HAAO: variants seen among roughly 807,000 people sequenced by gnomAD.
HAAO encodes 3-hydroxyanthranilate 3,4-dioxygenase.
In HAAO, 49 loss-of-function variants were observed where a neutral mutation model predicts 46.2. The ratio of observed to expected loss-of-function variants is 1.06; its 90% CI spans 0.84 to 1.34. HAAO has a LOEUF of 1.34. Ranked by LOEUF, HAAO falls within the 40% of genes most tolerant of loss-of-function variation. HAAO has a pLI of 0.00. For missense variants in HAAO, 408 were observed against 364.5 expected (o/e 1.12, Z -0.97); for synonymous variants, 157 against 145.2 (o/e 1.08, Z -0.58).
intron 6 of HAAO, 45 bp downstream of exon 6, chr2:42,770,098 G>A (rs1246819506): frequency 6.4e-7 from 1 of 1,567,014 alleles, no homozygotes; most frequent in Admixed American, 1.7e-5. Flanking sequence ...TCCTATTTTG[G>A]AAGGGGAGGG....
chr2:42,787,255 G>A (rs1417831645), intron 2 of HAAO, among the ~76,000 whole-genome samples: 1 of 152,140 alleles, frequency 6.6e-6, no homozygotes, highest in Non-Finnish European at 1.5e-5. Flanking sequence ...CATGGGATGG[G>A]GCATGGAGCA....
intron 7 of HAAO, 109 bp downstream of exon 7, chr2:42,769,604 T>TGA: frequency 2.8e-6 from 2 of 726,374 alleles, no homozygotes; most frequent in African/African-American, 2.7e-5. Flanking sequence ...TGTGTGTGTG[T>TGA]GAGTGTGTGT....
intron 1 of HAAO, 125 bp downstream of exon 1, chr2:42,792,332 A>T (rs2104676171): frequency 1.9e-6 from 1 of 532,392 alleles, no homozygotes; most frequent in East Asian, 3.3e-5. Flanking sequence ...CCCAAGAACC[A>T]AGAGATTAAA....
intron 2 of HAAO, among the ~76,000 whole-genome samples, chr2:42,787,574 C>A (rs578021445): frequency 6.6e-6 from 1 of 152,284 alleles, no homozygotes; most frequent in Admixed American, 6.5e-5. Flanking sequence ...CAGGGCCCAT[C>A]GTTCCTCCAC....
intron 4 of HAAO, among the ~76,000 whole-genome samples, chr2:42,780,908 A>C (rs1295234937): frequency 1.1e-5 from 1 of 90,172 alleles, no homozygotes; most frequent in African/African-American, 4.5e-5. Context: ...TCTACTAAAA[A>C]TACAAAAAAA....
chr2:42,783,690 G>A, intron 3 of HAAO, 94 bp downstream of exon 3: 1 of 1,087,890 alleles, frequency 9.2e-7, no homozygotes. Flanking sequence ...AGGTAGGGAG[G>A]ACAAGACCTC....
chr2:42,783,676 GA>G, intron 3 of HAAO, 107 bp downstream of exon 3: 3 of 960,368 alleles, frequency 3.1e-6, no homozygotes, highest in South Asian at 1.5e-5. Flanking sequence ...GGGAGAGCAG[GA>G]AAAGGTAGGG....
intron 4 of HAAO, among the ~76,000 whole-genome samples, chr2:42,773,375 G>C (rs1318716017): frequency 6.6e-6 from 1 of 152,160 alleles, no homozygotes; most frequent in Non-Finnish European, 1.5e-5. Flanking sequence ...AGCCGAGGGA[G>C]GCACTGGCCG....
intron 4 of HAAO, among the ~76,000 whole-genome samples, chr2:42,776,170 T>G (rs1671559608): frequency 6.6e-6 from 1 of 151,644 alleles, no homozygotes; most frequent in South Asian, 2.1e-4. Flanking sequence ...TAAATAAAAT[T>G]GGTATCCTTA....
intron 7 of HAAO, 134 bp downstream of exon 7, chr2:42,769,569 ATGTGTGTGTG>A (rs35746707): frequency 0.27 from 153,784 of 576,676 alleles, 10,248 homozygotes; most frequent in East Asian, 0.47. Context: ...AACCTCTGAA[ATGTGTGTGTG>A]TGTGTGTGTG....
At chr2:42,780,286 CA>C (rs1671890918) in intron 4 of HAAO, among the ~76,000 whole-genome samples, 1 of 150,328 alleles carries the variant, frequency 6.7e-6, no homozygotes, top group African/African-American at 2.5e-5. Flanking sequence ...CGGCTCACTG[CA>C]ACCTCCGCCT....
rs148315223 is a variant in HAAO at position 42,784,068 on chromosome 2, C to T, written c.160-201G>A. ...GTGCCGGGGACACATGGGATCATGT[C>T]TTGGACATGCAAGTGATGACCAGAG... On this transcript the variant is annotated intron_variant, in intron 2 of 9. Coordinates refer to ENST00000294973, the MANE Select transcript of HAAO (RefSeq NM_012205.3). 8.1e-4 allele frequency: 451 copies of T among 555,752 alleles called. 3 individuals are homozygous for T. In the African/African-American group the frequency reaches 8.6e-3, roughly 11 times the overall value. 34.4% of individuals were successfully genotyped at this position (555,752 alleles called of 1,614,324 possible). A position where few individuals can be genotyped will look rare whatever the true frequency, so the allele number is the denominator to read the frequency against.
At chr2:42,790,698 A>G (rs1455140276) in intron 1 of HAAO, among the ~76,000 whole-genome samples, 1 of 151,888 alleles carries the variant, frequency 6.6e-6, no homozygotes, top group African/African-American at 2.4e-5. Context: ...CGCCCAGGTA[A>G]TTTTTGTATT....
At chr2:42,773,158 C>G (rs1671281650) in intron 4 of HAAO, among the ~76,000 whole-genome samples, 2 of 152,218 alleles carry the variant, frequency 1.3e-5, no homozygotes, top group East Asian at 1.9e-4. Context: ...CTGGCCCTAA[C>G]TCCATATTTC....
At chr2:42,784,207 C>A (rs968333468) in intron 2 of HAAO, among the ~76,000 whole-genome samples, 2 of 152,128 alleles carry the variant, frequency 1.3e-5, no homozygotes, top group Non-Finnish European at 2.9e-5. Flanking sequence ...TTACTGGGTG[C>A]CAGGGGCTGT....
intron 4 of HAAO, chr2:42,782,920 T>C (rs1264006221): frequency 2.2e-6 from 1 of 461,816 alleles, no homozygotes; most frequent in East Asian, 6.7e-5. Flanking sequence ...CTCTTACGAC[T>C]TTGGGCACAT....
In HAAO at chr2:42,767,873, C is replaced by A. The variant is rs1290031051; in HGVS notation, c.686G>T (p.Trp229Leu). 3 of 1,613,922 alleles carry A rather than the reference C, an allele frequency of 1.9e-6. No homozygotes were observed. Among genetic ancestry groups the A allele is most frequent in the Admixed American group, 1.7e-5 (1 of 60,000 alleles). Reference protein sequence around the residue: ...SEGLRQNVDVWLWQLEGSSVV... With the variant: ...SEGLRQNVDVLLWQLEGSSVV... ...GGCCCCACTTGCCAGCTGCCACAGC[C>A]ACACGTCCACATTCTGTCTCAGGCC... The change falls in exon 8 of 10, where the codon TGG (tryptophan) becomes TTG (leucine). Residue 229 changes from tryptophan to leucine, a missense_variant. Physicochemically the swap from Trp to Leu is moderately conservative, Grantham distance 61. Transcript: ENST00000294973.
chr2:42,779,042 G>A (rs1368520765), intron 4 of HAAO, among the ~76,000 whole-genome samples: 1 of 152,072 alleles, frequency 6.6e-6, no homozygotes, highest in Non-Finnish European at 1.5e-5. Flanking sequence ...GGACCCGGGA[G>A]GTGGAGATTG....
chr2:42,772,921 G>A (rs1203369066), intron 4 of HAAO, among the ~76,000 whole-genome samples: 1 of 138,070 alleles, frequency 7.2e-6, no homozygotes, highest in African/African-American at 2.8e-5. Context: ...TAGATAGAGT[G>A]AGCCCCCATA....
Sources: allele counts gnomAD v4.1 joint callset (sites outside exome capture counted in the v4.1 genomes callset), GRCh38; gene constraint gnomAD v4.1.1; transcripts MANE v1.5; gene names NCBI Gene and HGNC (gene_info 2026-07-23, HGNC 2026-07-21).